LCA5: variants seen among roughly 807,000 people sequenced by gnomAD.
LCA5 encodes the protein lebercilin.
Under a neutral mutation model 53.0 loss-of-function variants are expected in LCA5, and 37 were observed. The ratio of observed to expected loss-of-function variants is 0.70; its 90% CI spans 0.54 to 0.92. The LOEUF is 0.92. Ranked by LOEUF, LCA5 falls within the 40% of genes least tolerant of loss-of-function variation. The pLI, the probability that LCA5 is intolerant of heterozygous loss-of-function variation, is 0.00. For synonymous variants in LCA5, 303 were observed against 282.9 expected (o/e 1.07, Z -0.71); for missense variants, 806 against 790.5 (o/e 1.02, Z -0.23).
At position 79,492,642 on chromosome 6, in the gene LCA5, CT is replaced by C; in HGVS notation, c.863del (p.Lys288ArgfsTer7). On this transcript the variant is annotated frameshift_variant, in exon 5 of 8. Coordinates refer to ENST00000369846, the MANE Select transcript of LCA5 (RefSeq NM_001122769.3). LOFTEE classifies it high-confidence loss of function. ...TATTTTTTATATCCAGTTCTCTCTCCTTTTCCTGAAAACAAACGCAATACAA... is the reference window on the plus strand; with the variant it reads ...TATTTTTTATATCCAGTTCTCTCTCCTTTCCTGAAAACAAACGCAATACAA... Reference protein sequence around the residue: ...VQRLYHKLKEKERELDIKNIY... With the variant: ...VQRLYHKLKEXERELDIKNIY... 1.3e-6 allele frequency: 2 copies of C among 1,505,964 alleles called. No homozygotes were observed. Among genetic ancestry groups the C allele is most frequent in the Non-Finnish European group, 1.8e-6 (2 of 1,093,410 alleles). 93.3% of individuals were successfully genotyped at this position (1,505,964 alleles called of 1,614,324 possible).
rs369372674 is a variant in LCA5, at chr6:79,518,756, T to C, written c.139A>G (p.Arg47Gly). ...GTTTGTCTTTTAGGATTTTTTCTCCTAACACTTGCAGGTGAAGAACTGACC... is the reference window on the plus strand; with the variant it reads ...GTTTGTCTTTTAGGATTTTTTCTCCCAACACTTGCAGGTGAAGAACTGACC... ...SLVSSSPASV[R>G]RKNPKRQTSD... The change falls in exon 2 of 8, where the codon AGG (arginine) becomes GGG (glycine). Residue 47 changes from arginine to glycine, a missense_variant. By Grantham distance (125) the Arg-to-Gly change is moderately radical (BLOSUM62 -2). Transcript: ENST00000369846. 10 of 1,614,028 alleles carry C rather than the reference T, an allele frequency of 6.2e-6. No individual in the cohort carries two copies. The Admixed American group carries it at 1.5e-4, about 24-fold the overall frequency.
chr6:79,533,583 T>TA (rs532485252), intron 1 of LCA5, among the ~76,000 whole-genome samples: 63 of 127,318 alleles, frequency 4.9e-4, no homozygotes, highest in East Asian at 6.6e-4. Context: ...AACTCTCCTT[T>TA]AAAAAAAAAA....
At chr6:79,529,797 C>T (rs572248143) in intron 1 of LCA5, among the ~76,000 whole-genome samples, 39 of 152,050 alleles carry the variant, frequency 2.6e-4, no homozygotes, top group African/African-American at 8.4e-4. Context: ...AGTTCATGTC[C>T]TTTATGGGGA....
rs776288750 is a variant in LCA5, at chr6:79,487,857, C to A, written c.1241G>T (p.Arg414Ile). ...TTTTTGCTTTTTATCAAGTTCTTCTCTTTCCCATTCTGTATGAAATCAAAT... is the reference window on the plus strand; with the variant it reads ...TTTTTGCTTTTTATCAAGTTCTTCTATTTCCCATTCTGTATGAAATCAAAT... ...EVEKLEDEWE[R>I]EELDKKQKEK... The change falls in exon 8 of 8, where the codon AGA becomes ATA. Residue 414 changes from arginine (R) to isoleucine (I), a missense_variant. Coordinates refer to ENST00000369846, the MANE Select transcript of LCA5 (RefSeq NM_001122769.3). The A allele has an allele frequency of 2.4e-5, 39 of 1,604,486 alleles. No homozygotes were observed. Among genetic ancestry groups the A allele is most frequent in the Non-Finnish European group, 3.2e-5 (38 of 1,175,798 alleles).
At chr6:79,490,990 G>A (rs1331530044) in intron 6 of LCA5, among the ~76,000 whole-genome samples, 2 of 151,530 alleles carry the variant, frequency 1.3e-5, no homozygotes, top group Non-Finnish European at 2.9e-5. Context: ...AGATTCCACT[G>A]CAATTACCTT....
intron 1 of LCA5, among the ~76,000 whole-genome samples, chr6:79,529,095 T>C (rs1766878379): frequency 6.6e-6 from 1 of 152,204 alleles, no homozygotes; most frequent in Non-Finnish European, 1.5e-5. Context: ...CAGTGGGATG[T>C]TGTATTATCC....
At chr6:79,535,664 T>C (rs932647880) in intron 1 of LCA5, among the ~76,000 whole-genome samples, 2 of 152,148 alleles carry the variant, frequency 1.3e-5, no homozygotes, top group African/African-American at 2.4e-5. Context: ...AGGAAATTTA[T>C]GTGGAAATAC....
intron 1 of LCA5, among the ~76,000 whole-genome samples, chr6:79,534,158 T>G (rs932977571): frequency 6.6e-6 from 1 of 151,406 alleles, no homozygotes; most frequent in Non-Finnish European, 1.5e-5. Flanking sequence ...AGCATTTTCC[T>G]TATTATACTA....
chr6:79,529,455 G>A (rs976181987), intron 1 of LCA5, among the ~76,000 whole-genome samples: 5 of 152,088 alleles, frequency 3.3e-5, no homozygotes, highest in African/African-American at 1.2e-4. Context: ...ATGTAGAGGA[G>A]GGGTCAGCCA....
rs1460245309 is a variant in LCA5 at position 79,487,078 on chromosome 6, G to C, written c.2020C>G (p.His674Asp). 6.2e-7 allele frequency: 1 copy of C among 1,613,636 alleles called. No homozygotes were observed. The highest frequency in any genetic ancestry group is 8.5e-7 in the Non-Finnish European group (1 of 1,179,732). The change falls in exon 8 of 8, where the codon CAT becomes GAT. Residue 674 changes from histidine (H) to aspartate (D), a missense_variant. Coordinates refer to ENST00000369846, the MANE Select transcript of LCA5 (RefSeq NM_001122769.3). ...TTTACTGCTGGTTTATCGTCTGCAT[G>C]TTTTAATCGGTGCCTATTTGGATTA... is the stretch of plus-strand genomic sequence containing the variant. ...SFNPNRHRLK[H>D]ADDKPAVKAA... is the part of the protein sequence containing the mutation.
chr6:79,531,971 C>T (rs1250654890), intron 1 of LCA5, among the ~76,000 whole-genome samples: 1 of 152,158 alleles, frequency 6.6e-6, no homozygotes, highest in East Asian at 1.9e-4. Flanking sequence ...TCCTACTTGA[C>T]AATTCTATTT....
At chr6:79,489,333 T>C (rs1769772713) in intron 6 of LCA5, 117 bp from the exon 7 acceptor site, 1 of 1,043,122 alleles carries the variant, frequency 9.6e-7, no homozygotes, top group Admixed American at 2.1e-5. Flanking sequence ...AATACAAATT[T>C]TCAATTAATG....
At chr6:79,496,154 A>T (rs1249313348) in intron 3 of LCA5, among the ~76,000 whole-genome samples, 1 of 152,250 alleles carries the variant, frequency 6.6e-6, no homozygotes, top group East Asian at 1.9e-4. Context: ...TATCTATCAG[A>T]ATGTCTTAAA....
chr6:79,524,389 T>C (rs962221649), intron 1 of LCA5, among the ~76,000 whole-genome samples: 1 of 152,214 alleles, frequency 6.6e-6, no homozygotes. Context: ...CCTGAGAATG[T>C]CGTTATTTTA....
chr6:79,532,570 T>C (rs1341065687), intron 1 of LCA5, among the ~76,000 whole-genome samples: 1 of 152,158 alleles, frequency 6.6e-6, no homozygotes, highest in African/African-American at 2.4e-5. Context: ...CTTCAACATA[T>C]AAGATTTTTG....
chr6:79,494,492 T>G (rs1769927506), intron 3 of LCA5, among the ~76,000 whole-genome samples: 1 of 148,218 alleles, frequency 6.7e-6, no homozygotes, highest in Non-Finnish European at 1.5e-5. Flanking sequence ...AAGCATCTTA[T>G]AGATAGATAG....
intron 3 of LCA5, among the ~76,000 whole-genome samples, chr6:79,512,064 T>A (rs762780285): frequency 6.6e-6 from 1 of 152,194 alleles, no homozygotes; most frequent in Non-Finnish European, 1.5e-5. Flanking sequence ...ATTTATTAAT[T>A]AGCATTCTGT....
Position 79,513,406 on chromosome 6 carries a change from T to C in LCA5, c.526A>G (p.Arg176Gly). The C allele has an allele frequency of 6.2e-7, 1 of 1,613,996 alleles. No homozygotes were observed. Among genetic ancestry groups the C allele is most frequent in the Non-Finnish European group, 8.5e-7 (1 of 1,179,928 alleles). The change falls in exon 3 of 8, where the codon AGA becomes GGA. Residue 176 changes from arginine (R) to glycine (G), a missense_variant. Coordinates refer to ENST00000369846, the MANE Select transcript of LCA5 (RefSeq NM_001122769.3). Reference sequence around the variant, plus strand: ...GCCCGTTCTTTCTCTTGAGATTTTCTTAAGCGTTCTTTGAGTGCTGTAATC... The same window carrying C: ...GCCCGTTCTTTCTCTTGAGATTTTCCTAAGCGTTCTTTGAGTGCTGTAATC... ...NEITALKERL[R>G]KSQEKERATE...
chr6:79,525,727 G>C (rs1225663456), intron 1 of LCA5, among the ~76,000 whole-genome samples: 1 of 152,216 alleles, frequency 6.6e-6, no homozygotes, highest in Non-Finnish European at 1.5e-5. Context: ...GATTAGATCC[G>C]GAGGACCCAG....
Sources: gnomAD v4.1 joint callset for allele counts (sites outside exome capture counted in the v4.1 genomes callset) on GRCh38, gnomAD v4.1.1 for gene constraint, MANE v1.5 for transcripts, NCBI Gene and HGNC (gene_info 2026-07-23, HGNC 2026-07-21) for gene names.